CPNE2: variants seen among roughly 807,000 people sequenced by gnomAD.
The protein encoded by CPNE2 is copine 2, also known as copine-2.
In CPNE2, 42 loss-of-function variants were observed where a neutral mutation model predicts 69.7. The observed-to-expected ratio is 0.60, with a 90% CI of 0.47 to 0.78. The LOEUF (loss-of-function observed/expected upper bound fraction) is 0.78. Ranked by LOEUF, CPNE2 falls within the 30% of genes least tolerant of loss-of-function variation. The pLI is 0.00. For synonymous variants in CPNE2, 294 were observed against 289.8 expected (o/e 1.01, Z -0.15); for missense variants, 587 against 732.0 (o/e 0.80, Z 2.29).
chr16:57,095,760 C>T (rs184975477), intron 1 of CPNE2, among the ~76,000 whole-genome samples: 43 of 152,298 alleles, frequency 2.8e-4, no homozygotes, highest in Non-Finnish European at 5.0e-4. Flanking sequence ...CCACTGTGCC[C>T]GACCATGGAA....
intron 5 of CPNE2, 119 bp downstream of exon 5, chr16:57,117,686 C>T: frequency 1.8e-6 from 2 of 1,135,188 alleles, no homozygotes; most frequent in Non-Finnish European, 1.3e-6. Flanking sequence ...GGGACTGGTC[C>T]AGCACGGGGC....
rs1271775046 is a variant in CPNE2, at chr16:57,110,996, T to C, written c.180+74T>C. On this transcript the variant is annotated intron_variant, in intron 2 of 15. Transcript: ENST00000290776. ...CTGGGGAGGGGGAGTCTCCCAGGAC[T>C]GGGATCCAGGATGTCTGATGGAAGT... 12 of 1,420,544 alleles carry C rather than the reference T, an allele frequency of 8.4e-6. No homozygotes were observed. The Admixed American group carries it at 1.6e-4, about 19-fold the overall frequency. The allele number at this position is 1,420,544 out of a possible 1,614,324, so 88.0% of individuals were successfully genotyped here. A position where few individuals can be genotyped will look rare whatever the true frequency, so the allele number is the denominator to read the frequency against.
At chr16:57,145,844 G>A (rs1025966023) in intron 14 of CPNE2, 5 of 550,206 alleles carry the variant, frequency 9.1e-6, no homozygotes, top group Admixed American at 6.2e-5. Context: ...AACACACAGG[G>A]CAGGAGGGGA....
chr16:57,133,122 C>G (rs1240006729), intron 12 of CPNE2, among the ~76,000 whole-genome samples: 2 of 152,148 alleles, frequency 1.3e-5, no homozygotes, highest in Non-Finnish European at 1.5e-5. Flanking sequence ...ACAAGCCCCC[C>G]TCGTAATCTC....
At chr16:57,109,369 G>A (rs1231248932) in intron 1 of CPNE2, among the ~76,000 whole-genome samples, 3 of 151,818 alleles carry the variant, frequency 2.0e-5, no homozygotes, top group Non-Finnish European at 4.4e-5. Context: ...CCAGTTACTC[G>A]GGCGGCTGAG....
In CPNE2 at chr16:57,110,219, CTTTTCTTTTTTT is replaced by C. The variant is rs2069671795; in HGVS notation, c.-35-484_-35-473del. Among the ~76,000 whole-genome samples the C allele has an allele frequency of 2.5e-5, 3 of 121,624 alleles. No homozygotes were observed. In the South Asian group the frequency reaches 7.8e-4, roughly 32 times the overall value. The allele number at this position is 121,624 out of a possible 152,430, so 79.8% of individuals were successfully genotyped here. A position where few individuals can be genotyped will look rare whatever the true frequency, so the allele number is the denominator to read the frequency against. On this transcript the variant is annotated intron_variant, in intron 1 of 15. Coordinates refer to ENST00000290776, the MANE Select transcript of CPNE2 (RefSeq NM_152727.6). Reference sequence around the variant, plus strand: ...AGAGACAGAGACTCTTTTTTCTTTTCTTTTCTTTTTTTTTTTTTTTTTTGAGATGGTATCATT... The same window carrying C: ...AGAGACAGAGACTCTTTTTTCTTTTCTTTTTTTTTTTGAGATGGTATCATT...
rs1377929507 is a variant in CPNE2, at chr16:57,119,216, C to A, written c.529C>A (p.Pro177Thr). Reference protein sequence around the residue: ...DKKDLFGKSDPFLEFYKPGDD... With the variant: ...DKKDLFGKSDTFLEFYKPGDD... ...CCAGGACCTCTTTGGGAAGTCAGAC[C>A]CCTTTCTGGAGTTTTATAAGCCAGG... The change falls in exon 6 of 16, where the codon CCC becomes ACC. Residue 177 changes from proline (P) to threonine (T), a missense_variant. Physicochemically the swap from Pro to Thr is conservative, Grantham distance 38. Transcript: ENST00000290776. 1.2e-6 allele frequency: 2 copies of A among 1,614,098 alleles called. No individual in the cohort carries two copies. The highest frequency in any genetic ancestry group is 1.7e-5 in the Admixed American group (1 of 60,010).
rs758620799 is a variant in CPNE2 at position 57,146,260 on chromosome 16, A to G, written c.1478A>G (p.His493Arg). ...GGGGACAGCCGCATGCTGCGCTCCCACACGGGGGAGGAGGCAGCCCGCGAT... is the reference window on the plus strand; with the variant it reads ...GGGGACAGCCGCATGCTGCGCTCCCGCACGGGGGAGGAGGCAGCCCGCGAT... ...LDGDSRMLRS[H>R]TGEEAARDIV... The change falls in exon 15 of 16, where the codon CAC becomes CGC. Residue 493 changes from histidine (H) to arginine (R), a missense_variant. By Grantham distance (29) the His-to-Arg change is conservative (BLOSUM62 0). This residue lies in a region of CPNE2 where 185 missense variants were observed against 252.3 expected (regional missense o/e 0.73). Coordinates refer to ENST00000290776, the MANE Select transcript of CPNE2 (RefSeq NM_152727.6). This position sits in a 1 kb window ranked among gnomAD's most constrained non-coding sequence, Gnocchi z 4.4. 1 of 1,557,628 alleles carries G rather than the reference A, an allele frequency of 6.4e-7. No individual in the cohort carries two copies.
intron 2 of CPNE2, 85 bp downstream of exon 2, chr16:57,111,007 A>G: frequency 1.5e-6 from 2 of 1,325,438 alleles, no homozygotes; most frequent in Middle Eastern, 1.9e-4. Context: ...GGGATCCAGG[A>G]TGTCTGATGG....
At position 57,108,736 on chromosome 16, in the gene CPNE2, TCTCA is replaced by T. The variant is rs1380268028; in HGVS notation, c.-35-1966_-35-1963del. Among the ~76,000 whole-genome samples, 108 of 152,306 alleles carry T rather than the reference TCTCA, an allele frequency of 7.1e-4. 1 individual carries two copies. Among genetic ancestry groups the T allele is most frequent in the African/African-American group, 2.5e-3 (104 of 41,570 alleles). On this transcript the variant is annotated intron_variant, in intron 1 of 15. Coordinates refer to ENST00000290776, the MANE Select transcript of CPNE2 (RefSeq NM_152727.6). ...CACCCCTTGAGATGGGTTGCTCCAG[TCTCA>T]CTCACACCTTGCACTCAAAGGAAAA...
intron 1 of CPNE2, among the ~76,000 whole-genome samples, chr16:57,108,943 A>G (rs1387769649): frequency 3.3e-5 from 5 of 152,224 alleles, no homozygotes; most frequent in Admixed American, 6.5e-5. Context: ...CCATTCATTC[A>G]TTTATACACT....
chr16:57,125,918 A>T lies in CPNE2; in HGVS notation c.986A>T (p.Tyr329Phe), dbSNP rs1334813559. 6.2e-7 allele frequency: 1 copy of T among 1,614,144 alleles called. No individual in the cohort carries two copies. The highest frequency in any genetic ancestry group is 1.1e-5 in the South Asian group (1 of 91,082). Residue 329 changes from tyrosine (Y) to phenylalanine (F), a missense_variant, in exon 11 of 16, where the codon TAT becomes TTT. This residue lies in a region of CPNE2 where 269 missense variants were observed against 300.5 expected (regional missense o/e 0.90). Coordinates refer to ENST00000290776, the MANE Select transcript of CPNE2 (RefSeq NM_152727.6). ...GNPLDPSSLH[Y>F]INPMGTNEYL... ...CCCCTCGACCCTTCCTCTTTGCACTATATCAACCCTATGGGCACCAACGAA... is the reference window on the plus strand; with the variant it reads ...CCCCTCGACCCTTCCTCTTTGCACTTTATCAACCCTATGGGCACCAACGAA...
chr16:57,146,317 G>A lies in CPNE2; in HGVS notation c.1535G>A (p.Arg512His), dbSNP rs771845355. The change falls in exon 15 of 16, where the codon CGC becomes CAC. Residue 512 changes from arginine (R) to histidine (H), a missense_variant. Physicochemically the swap from Arg to His is conservative, Grantham distance 29. Transcript: ENST00000290776. This position sits in a 1 kb window ranked among gnomAD's most constrained non-coding sequence, Gnocchi z 4.4. ...CAGTTCGTTCCCTTTCGAGAGTTCCGCAACGTGAGTGTGGGCCTGGGCTGG... is the reference window on the plus strand; with the variant it reads ...CAGTTCGTTCCCTTTCGAGAGTTCCACAACGTGAGTGTGGGCCTGGGCTGG... ...IVQFVPFREF[R>H]NAAKETLAKA... 25 of 1,548,644 alleles carry A rather than the reference G, an allele frequency of 1.6e-5. No homozygotes were observed. The highest frequency in any genetic ancestry group is 7.8e-5 in the Admixed American group (4 of 51,220).
Position 57,134,796 on chromosome 16 carries a change from A to C in CPNE2, c.1138A>C (p.Asn380His). 1 of 1,613,920 alleles carries C rather than the reference A, an allele frequency of 6.2e-7. No homozygotes were observed. The highest frequency in any genetic ancestry group is 8.5e-7 in the Non-Finnish European group (1 of 1,179,922). Residue 380 changes from asparagine to histidine, a missense_variant, in exon 13 of 16, where the codon AAC becomes CAC. Physicochemically the swap from Asn to His is moderately conservative, Grantham distance 68. Around this residue, in one of 5 missense-constraint regions of CPNE2, gnomAD observed 185 missense variants for 252.3 expected, o/e 0.73. Coordinates refer to ENST00000290776, the MANE Select transcript of CPNE2 (RefSeq NM_152727.6). ...DWKVSHEFAINFNPTNPFCSG... is the reference protein window; with the variant it reads ...DWKVSHEFAIHFNPTNPFCSG... ...TCAGGTCTCCCATGAGTTTGCCATCAACTTCAACCCCACCAACCCCTTCTG... is the reference window on the plus strand; with the variant it reads ...TCAGGTCTCCCATGAGTTTGCCATCCACTTCAACCCCACCAACCCCTTCTG...
chr16:57,145,917 T>C, intron 14 of CPNE2, 168 bp from the exon 15 acceptor site: 1 of 624,492 alleles, frequency 1.6e-6, no homozygotes, highest in South Asian at 1.9e-5. Flanking sequence ...CCTGCAGGGG[T>C]GGGGTGCTGA....
intron 12 of CPNE2, among the ~76,000 whole-genome samples, chr16:57,134,508 G>A (rs1287349009): frequency 5.3e-5 from 8 of 152,166 alleles, no homozygotes; most frequent in Admixed American, 5.2e-4. Flanking sequence ...GGCATAGGCA[G>A]CCCCAGTCCC....
intron 3 of CPNE2, among the ~76,000 whole-genome samples, chr16:57,114,457 G>A (rs114566290): frequency 6.4e-4 from 98 of 152,264 alleles, no homozygotes; most frequent in African/African-American, 2.2e-3. Context: ...CACCTCTCAC[G>A]CCACCTGCTC....
At chr16:57,094,201 G>A (rs1467318476) in intron 1 of CPNE2, 9 of 409,378 alleles carry the variant, frequency 2.2e-5, no homozygotes, top group Middle Eastern at 3.5e-4. Flanking sequence ...TTCGTTTTGC[G>A]GCCGTCACTT....
Position 57,119,020 on chromosome 16 carries a change from A to G in CPNE2, c.508-175A>G, listed in dbSNP as rs115618402. Among the ~76,000 whole-genome samples the G allele has an allele frequency of 8.3e-3, 1,267 of 152,052 alleles. 20 individuals carry two copies. The highest frequency in any genetic ancestry group is 0.03 in the African/African-American group (1,225 of 41,424). On this transcript the variant is annotated intron_variant, in intron 5 of 15. Coordinates refer to ENST00000290776, the MANE Select transcript of CPNE2 (RefSeq NM_152727.6). ...GACCTGGTTGATCCCAGGGGGCTGC[A>G]GCTGCCCTGGGCCTCTTGCTGAGCC...
Sources: allele counts gnomAD v4.1 joint callset (sites outside exome capture counted in the v4.1 genomes callset), GRCh38; gene constraint gnomAD v4.1.1; regional missense constraint gnomAD v4.1.1; non-coding constraint Gnocchi (gnomAD v3.1); transcripts MANE v1.5; gene names NCBI Gene and HGNC (gene_info 2026-07-23, HGNC 2026-07-21).